The following GABBR2 variants were observed in gnomAD, a reference collection of about 807,000 sequenced individuals.
The protein encoded by GABBR2 is G-protein coupled receptor 51.
Under a neutral mutation model 105.6 loss-of-function variants are expected in GABBR2, and 23 were observed. The ratio of observed to expected loss-of-function variants is 0.22; its 90% confidence interval spans 0.16 to 0.31. The LOEUF is 0.31. GABBR2 is among the 10% of genes least tolerant of loss of function. GABBR2 has a pLI of 1.00. For missense variants in GABBR2, 734 were observed against 1,245.5 expected, an observed-to-expected ratio of 0.59 and a Z score of 6.18; for synonymous variants, 478 against 499.7, an observed-to-expected ratio of 0.96 and a Z score of 0.58.
chr9:98,596,059 C>T (rs1829229979), intron 1 of GABBR2, among the ~76,000 whole-genome samples: 2 of 152,230 alleles, frequency 1.3e-5, no homozygotes, highest in South Asian at 4.1e-4. Context: ...GGGGAAGGCC[C>T]ATGGAGACCC....
intron 3 of GABBR2, among the ~76,000 whole-genome samples, chr9:98,536,438 G>A (rs75417948): frequency 6.6e-6 from 1 of 152,304 alleles, no homozygotes; most frequent in African/African-American, 2.4e-5. Context: ...AACTTGGTGA[G>A]GATGGTTGGG....
intron 7 of GABBR2, among the ~76,000 whole-genome samples, chr9:98,445,011 CT>C (rs1400314876): frequency 6.6e-6 from 1 of 152,234 alleles, no homozygotes; most frequent in African/African-American, 2.4e-5. Context: ...GTTGTCAGTT[CT>C]GATTATTTAT....
At chr9:98,524,974 G>C (rs1005075898) in intron 3 of GABBR2, among the ~76,000 whole-genome samples, 14 of 152,154 alleles carry the variant, frequency 9.2e-5, no homozygotes, top group Non-Finnish European at 1.9e-4. Context: ...ATGAAAGAAT[G>C]AAGTTGGAAC....
chr9:98,394,215 G>C lies in GABBR2; in HGVS notation c.1338C>G (p.Ala446=). ...EVKVGEYNAV[A]DTLEIINDTI... ...TGTCATTGATGATCTCCAGTGTGTC[G>C]GCCACAGCGTTGTACTCTCCCACCT... Residue 446 remains alanine (A), a synonymous_variant, in exon 9 of 19, where the codon GCC becomes GCG. Transcript: ENST00000259455. 1.2e-6 allele frequency: 2 copies of C among 1,613,908 alleles called. No homozygotes were observed. Among genetic ancestry groups the C allele is most frequent in the Non-Finnish European group, 8.5e-7 (1 of 1,179,838 alleles).
In GABBR2 at chr9:98,473,137, G is replaced by A. The variant is rs1334305434; in HGVS notation, c.999+9C>T. The A allele has an allele frequency of 6.2e-7, 1 of 1,607,038 alleles. No individual in the cohort carries two copies. Among genetic ancestry groups the A allele is most frequent in the Admixed American group, 1.7e-5 (1 of 59,922 alleles). On this transcript the variant is annotated intron_variant, in intron 6 of 18. Coordinates refer to ENST00000259455, the MANE Select transcript of GABBR2 (RefSeq NM_005458.8). ...GCCAGAAGGTTGAAATGGGGACCAA[G>A]GCACTGACCTTTCCTGAGATGGTCT...
At chr9:98,651,112 C>T (rs148477127) in intron 1 of GABBR2, among the ~76,000 whole-genome samples, 103 of 150,580 alleles carry the variant, frequency 6.8e-4, no homozygotes, top group Middle Eastern at 3.5e-3. Context: ...TATACACACA[C>T]ACCCACACAC....
chr9:98,385,736 A>G lies in GABBR2; in HGVS notation c.1566T>C (p.Leu522=). Residue 522 remains leucine (L), a synonymous_variant, in exon 11 of 19, where the codon CTT becomes CTC. Coordinates refer to ENST00000259455, the MANE Select transcript of GABBR2 (RefSeq NM_005458.8). ...AGGAGAGCATCCCTCCAAGGATGAT[A>G]AGGTTGTTCATGTATGGACTCGACA... ...IKMSSPYMNN[L]IILGGMLSYA... 1 of 1,609,052 alleles carries G rather than the reference A, an allele frequency of 6.2e-7. No homozygotes were observed. The highest frequency in any genetic ancestry group is 8.5e-7 in the Non-Finnish European group (1 of 1,175,368).
chr9:98,543,790 C>T (rs981650821), intron 2 of GABBR2, among the ~76,000 whole-genome samples: 1 of 151,642 alleles, frequency 6.6e-6, no homozygotes, highest in Non-Finnish European at 1.5e-5. Flanking sequence ...GAAAATTAGC[C>T]CTTTATGATA....
chr9:98,334,685 C>T (rs72759635), intron 13 of GABBR2, among the ~76,000 whole-genome samples: 14,455 of 152,070 alleles, frequency 0.095, 1,138 homozygotes, highest in African/African-American at 0.22. Context: ...TGGGCAGGAC[C>T]AGCAATGATC....
intron 1 of GABBR2, among the ~76,000 whole-genome samples, chr9:98,580,788 AAAAC>A (rs762305709): frequency 1.3e-4 from 20 of 152,124 alleles, no homozygotes; most frequent in Non-Finnish European, 2.1e-4. Flanking sequence ...ATCTCAAAAC[AAAAC>A]AAACAAATCT....
At chr9:98,562,742 G>A (rs1466788931) in intron 2 of GABBR2, among the ~76,000 whole-genome samples, 1 of 152,140 alleles carries the variant, frequency 6.6e-6, no homozygotes, top group Non-Finnish European at 1.5e-5. Flanking sequence ...AACAAAATTG[G>A]AGGAGAATTT....
At chr9:98,527,902 T>C (rs1393693035) in intron 3 of GABBR2, among the ~76,000 whole-genome samples, 5 of 152,156 alleles carry the variant, frequency 3.3e-5, no homozygotes, top group Admixed American at 6.5e-5. Flanking sequence ...CATTCCAGCA[T>C]AGACAGATTA....
chr9:98,377,259 G>A (rs895828533), intron 11 of GABBR2, among the ~76,000 whole-genome samples: 49 of 152,240 alleles, frequency 3.2e-4, no homozygotes, highest in African/African-American at 1.2e-3. Flanking sequence ...GGGGGCTGCT[G>A]TGTGCCTTCA....
chr9:98,647,657 G>A (rs995305353), intron 1 of GABBR2, among the ~76,000 whole-genome samples: 2 of 152,156 alleles, frequency 1.3e-5, no homozygotes, highest in Non-Finnish European at 1.5e-5. Context: ...TTATGAATAG[G>A]CCACCTACTT....
At chr9:98,541,769 A>T in intron 3 of GABBR2, 104 bp downstream of exon 3, 1 of 1,014,590 alleles carries the variant, frequency 9.9e-7, no homozygotes, top group Non-Finnish European at 1.5e-6. Flanking sequence ...ACACATGCTT[A>T]AAAGCCCTGT....
chr9:98,678,645 C>T (rs1830504223), intron 1 of GABBR2, among the ~76,000 whole-genome samples: 1 of 152,144 alleles, frequency 6.6e-6, no homozygotes, highest in African/African-American at 2.4e-5. Flanking sequence ...CATTTATGGC[C>T]TCCTAATTAG....
intron 4 of GABBR2, among the ~76,000 whole-genome samples, chr9:98,489,708 C>G (rs751261361): frequency 6.6e-6 from 1 of 151,880 alleles, no homozygotes; most frequent in Non-Finnish European, 1.5e-5. Flanking sequence ...CCTACGGCGA[C>G]CATCACACAA....
intron 1 of GABBR2, among the ~76,000 whole-genome samples, chr9:98,688,411 A>ATAT (rs397737112): frequency 6.7e-6 from 1 of 148,232 alleles, no homozygotes; most frequent in Non-Finnish European, 1.5e-5. Context: ...ATATATATAT[A>ATAT]AAATCTCCAG....
chr9:98,318,916 GGGGGTGTGTGTGTGTGTGT>G (rs1564014938), intron 13 of GABBR2, among the ~76,000 whole-genome samples: 1 of 141,508 alleles, frequency 7.1e-6, no homozygotes, highest in Non-Finnish European at 1.6e-5. Context: ...TGTGTGTGTT[GGGGGTGTGTGTGTGTGTGT>G]GGTGTGTGTG....
Sources: gnomAD v4.1 joint callset for allele counts (sites outside exome capture counted in the v4.1 genomes callset) on GRCh38, gnomAD v4.1.1 for gene constraint, MANE v1.5 for transcripts, NCBI Gene and HGNC (gene_info 2026-07-23, HGNC 2026-07-21) for gene names.